The following PDE1C variants were observed in gnomAD, a reference collection of about 807,000 sequenced individuals.
PDE1C encodes dual specificity calcium/calmodulin-dependent 3',5'-cyclic nucleotide phosphodiesterase 1C.
A neutral mutation model predicts 93.1 loss-of-function variants in PDE1C; 62 were observed. The observed-to-expected ratio is 0.67, with a 90% confidence interval of 0.54 to 0.82. The LOEUF is 0.82. Ranked by LOEUF, PDE1C falls within the 40% of genes least tolerant of loss-of-function variation. PDE1C has a pLI of 0.00. For synonymous variants in PDE1C, 325 were observed against 310.1 expected, an observed-to-expected ratio of 1.05 and a Z score of -0.50; for missense variants, 742 against 884.6, an observed-to-expected ratio of 0.84 and a Z score of 2.04.
At chr7:32,159,119 G>A (rs1288271699) in intron 3 of PDE1C, among the ~76,000 whole-genome samples, 2 of 152,198 alleles carry the variant, frequency 1.3e-5, no homozygotes, top group African/African-American at 2.4e-5. Context: ...ACGGGGAGAG[G>A]GTGGGGGAGG....
At chr7:32,138,869 GTCTC>G (rs1028326678) in intron 3 of PDE1C, among the ~76,000 whole-genome samples, 1 of 151,980 alleles carries the variant, frequency 6.6e-6, no homozygotes, top group Non-Finnish European at 1.5e-5. Context: ...GTAATCCTGA[GTCTC>G]TCACTTCCTC....
intron 1 of PDE1C, among the ~76,000 whole-genome samples, chr7:32,251,466 A>G (rs1172740681): frequency 1.3e-5 from 2 of 152,096 alleles, no homozygotes; most frequent in African/African-American, 4.8e-5. Context: ...TCCATTACCA[A>G]GTCCTGTCAA....
intron 1 of PDE1C, among the ~76,000 whole-genome samples, chr7:32,356,354 T>G (rs1784029547): frequency 6.6e-6 from 1 of 152,188 alleles, no homozygotes; most frequent in Admixed American, 6.5e-5. Context: ...TCCTTGTTAA[T>G]TACAATGATC....
chr7:31,826,659 C>T (rs13238812), intron 12 of PDE1C, among the ~76,000 whole-genome samples: 17,084 of 152,166 alleles, frequency 0.11, 1,169 homozygotes, highest in Middle Eastern at 0.18. Context: ...TATGTGCCAC[C>T]TCTCTTCTGG....
At chr7:32,267,584 A>ACTCTCTCTCTCTCT (rs756476017) in intron 1 of PDE1C, among the ~76,000 whole-genome samples, 27 of 113,136 alleles carry the variant, frequency 2.4e-4, no homozygotes, top group African/African-American at 8.4e-4. Flanking sequence ...ACACACACAC[A>ACTCTCTCTCTCTCT]CACTCTCTCT....
At chr7:31,892,467 G>A (rs1164280506) in intron 2 of PDE1C, among the ~76,000 whole-genome samples, 1 of 152,136 alleles carries the variant, frequency 6.6e-6, no homozygotes, top group Non-Finnish European at 1.5e-5. Context: ...ACCTCTACTG[G>A]CAGTGATCCC....
At chr7:31,770,143 G>C (rs77764444) in intron 17 of PDE1C, among the ~76,000 whole-genome samples, 16,802 of 152,138 alleles carry the variant, frequency 0.11, 1,259 homozygotes, top group Non-Finnish European at 0.17. Context: ...GTTTTGATTT[G>C]TATTTCCTTA....
intron 1 of PDE1C, among the ~76,000 whole-genome samples, chr7:32,325,538 CT>C (rs1783389498): frequency 2.0e-5 from 3 of 152,230 alleles, no homozygotes; most frequent in South Asian, 4.1e-4. Flanking sequence ...ACGTTTTCCC[CT>C]GACACTGATT....
chr7:32,103,512 G>A (rs1798137961), intron 3 of PDE1C, among the ~76,000 whole-genome samples: 1 of 152,114 alleles, frequency 6.6e-6, no homozygotes, highest in Non-Finnish European at 1.5e-5. Context: ...GAGAAACTGA[G>A]GAGCTCTAGA....
chr7:31,717,709 T>C, the PDE1C span, among the ~76,000 whole-genome samples: 2 of 152,202 alleles, frequency 1.3e-5, no homozygotes, highest in Admixed American at 1.3e-4. Context: ...GTTCTGGAGC[T>C]AGATATGCCT....
intron 2 of PDE1C, among the ~76,000 whole-genome samples, chr7:31,898,232 G>T (rs1482126968): frequency 1.3e-5 from 2 of 151,862 alleles, no homozygotes; most frequent in Admixed American, 6.6e-5. Flanking sequence ...ATTTTTAAAA[G>T]AATCTATGGT....
chr7:32,265,893 T>C (rs950049737), intron 1 of PDE1C, among the ~76,000 whole-genome samples: 1 of 152,004 alleles, frequency 6.6e-6, no homozygotes, highest in Non-Finnish European at 1.5e-5. Context: ...AATGAATTTG[T>C]GGGAACATCT....
chr7:32,336,358 T>C (rs1490703933), intron 1 of PDE1C, among the ~76,000 whole-genome samples: 1 of 152,240 alleles, frequency 6.6e-6, no homozygotes, highest in East Asian at 1.9e-4. Flanking sequence ...ATCTCCACTT[T>C]AATCCATTAG....
chr7:31,782,896 G>A (rs1783537066), intron 16 of PDE1C, among the ~76,000 whole-genome samples: 1 of 152,164 alleles, frequency 6.6e-6, no homozygotes, highest in Non-Finnish European at 1.5e-5. Context: ...CCCAACTCTG[G>A]GATAATGTGT....
chr7:32,223,505 C>T (rs1051466889), intron 1 of PDE1C, among the ~76,000 whole-genome samples: 10 of 152,216 alleles, frequency 6.6e-5, no homozygotes, highest in Non-Finnish European at 8.8e-5. Flanking sequence ...CAGAGCTCAT[C>T]GCTTGCACAG....
At chr7:32,043,051 T>C (rs1286122524) in intron 2 of PDE1C, among the ~76,000 whole-genome samples, 2 of 152,156 alleles carry the variant, frequency 1.3e-5, no homozygotes, top group East Asian at 3.9e-4. Flanking sequence ...GATTTTGACA[T>C]ACACGGGACA....
intron 2 of PDE1C, among the ~76,000 whole-genome samples, chr7:31,883,396 A>T (rs1583772623): frequency 6.6e-6 from 1 of 152,240 alleles, no homozygotes; most frequent in East Asian, 1.9e-4. Context: ...CAAGTAATTT[A>T]AAAAGATTCT....
intron 2 of PDE1C, among the ~76,000 whole-genome samples, chr7:31,986,615 G>A (rs1783422833): frequency 6.6e-6 from 1 of 152,100 alleles, no homozygotes; most frequent in Admixed American, 6.5e-5. Flanking sequence ...GGCACAGAGA[G>A]AAGGCCATGT....
At chr7:32,128,784 T>C (rs886399167) in intron 3 of PDE1C, among the ~76,000 whole-genome samples, 12 of 150,952 alleles carry the variant, frequency 7.9e-5, no homozygotes, top group African/African-American at 2.4e-4. Flanking sequence ...TAATTATCCA[T>C]CTAGGAATTT....
Sources: allele counts gnomAD v4.1 joint callset (sites outside exome capture counted in the v4.1 genomes callset), GRCh38; gene constraint gnomAD v4.1.1; transcripts MANE v1.5; gene names NCBI Gene and HGNC (gene_info 2026-07-23, HGNC 2026-07-21).